Variants in NKAIN2 observed in about 807,000 individuals in gnomAD.
NKAIN2 encodes sodium/potassium-transporting ATPase subunit beta-1-interacting protein 2.
Under a neutral mutation model 32.6 loss-of-function variants are expected in NKAIN2, and 14 were observed. The observed-to-expected ratio is 0.43, with a 90% CI of 0.28 to 0.67. The LOEUF is 0.67. Ranked by LOEUF, NKAIN2 falls within the 30% of genes least tolerant of loss-of-function variation. The pLI is 0.17. For synonymous variants in NKAIN2, 80 were observed against 87.2 expected (o/e 0.92, Z 0.46); for missense variants, 198 against 258.3 (o/e 0.77, Z 1.60).
chr6:124,075,638 C>T (rs1241067509), intron 1 of NKAIN2, among the ~76,000 whole-genome samples: 3 of 152,022 alleles, frequency 2.0e-5, no homozygotes, highest in Non-Finnish European at 2.9e-5. Context: ...ATGTGTTGGC[C>T]AGCCTGGAAT....
Position 123,925,697 on chromosome 6 carries a change from G to C in NKAIN2, c.54+121443G>C, listed in dbSNP as rs73773018. On this transcript the variant is annotated intron_variant, in intron 1 of 6. Coordinates refer to ENST00000368417, the MANE Select transcript of NKAIN2 (RefSeq NM_001040214.3). ...CTCTGACTACATTATTGAGGGTGCA[G>C]GGGACTTTTTGGTGAACTTCATTCT... Among the ~76,000 whole-genome samples, 1,232 of 152,274 alleles carry C rather than the reference G, an allele frequency of 8.1e-3. 19 individuals are homozygous for C. The highest frequency in any genetic ancestry group is 0.028 in the African/African-American group (1,182 of 41,560).
At chr6:124,625,341 G>A (rs186315735) in intron 3 of NKAIN2, among the ~76,000 whole-genome samples, 1 of 152,208 alleles carries the variant, frequency 6.6e-6, no homozygotes, top group East Asian at 1.9e-4. Context: ...CTTAAATAAA[G>A]TGTCTCTCAC....
chr6:124,332,219 G>C (rs188561441), intron 2 of NKAIN2, among the ~76,000 whole-genome samples: 120 of 151,360 alleles, frequency 7.9e-4, no homozygotes, highest in African/African-American at 2.8e-3. Context: ...ATATGTGTGT[G>C]TGTGTATATA....
chr6:124,824,517 A>G lies in NKAIN2; in HGVS notation c.*1288A>G, dbSNP rs983672546. The G allele has an allele frequency of 3.3e-4, 50 of 152,290 alleles. No individual in the cohort carries two copies. Among genetic ancestry groups the G allele is most frequent in the African/African-American group, 1.1e-3 (46 of 41,566 alleles). The allele number at this position is 152,290 out of a possible 1,614,324, so 9.4% of individuals were successfully genotyped here. ...AGTTGGCAACAAGATGCCTTTGGAA[A>G]CTTAATAGTAGGTCAATGTGTTTAT... On this transcript the variant is annotated 3_prime_UTR_variant, in exon 7 of 7. Transcript: ENST00000368417.
At chr6:124,444,354 G>A (rs1775806166) in intron 3 of NKAIN2, among the ~76,000 whole-genome samples, 1 of 151,992 alleles carries the variant, frequency 6.6e-6, no homozygotes, top group South Asian at 2.1e-4. Context: ...CTGAATGAAT[G>A]TATGGCACAC....
chr6:124,066,796 A>G (rs911513260), intron 1 of NKAIN2, among the ~76,000 whole-genome samples: 2 of 152,130 alleles, frequency 1.3e-5, no homozygotes, highest in African/African-American at 4.8e-5. Flanking sequence ...AGTGCAGAGC[A>G]TATTCTAAGG....
At chr6:124,711,898 C>T (rs973665922) in intron 4 of NKAIN2, among the ~76,000 whole-genome samples, 22 of 152,058 alleles carry the variant, frequency 1.4e-4, no homozygotes, top group African/African-American at 3.6e-4. Context: ...AGGCACTCTG[C>T]GTTTTAGAGT....
At chr6:124,679,019 G>T (rs993882034) in intron 4 of NKAIN2, among the ~76,000 whole-genome samples, 11 of 151,814 alleles carry the variant, frequency 7.2e-5, no homozygotes, top group Admixed American at 7.2e-4. Flanking sequence ...AAGTACCAAA[G>T]GTTCTCCGGA....
intron 3 of NKAIN2, among the ~76,000 whole-genome samples, chr6:124,506,943 C>A (rs1778510369): frequency 6.6e-6 from 1 of 152,188 alleles, no homozygotes; most frequent in African/African-American, 2.4e-5. Context: ...GGCCCTGTGG[C>A]AAGCCTCCTG....
At chr6:124,476,300 G>A (rs1221836147) in intron 3 of NKAIN2, among the ~76,000 whole-genome samples, 1 of 151,558 alleles carries the variant, frequency 6.6e-6, no homozygotes, top group East Asian at 1.9e-4. Flanking sequence ...CAAAGTCTGA[G>A]GCATTTGAAT....
chr6:124,012,835 CTAAAT>C (rs1780398299), intron 1 of NKAIN2, among the ~76,000 whole-genome samples: 1 of 152,044 alleles, frequency 6.6e-6, no homozygotes. Context: ...TTTCCTTTCT[CTAAAT>C]TAAAGACCTA....
intron 1 of NKAIN2, among the ~76,000 whole-genome samples, chr6:124,272,161 G>A (rs116055772): frequency 0.043 from 6,597 of 152,308 alleles, 451 homozygotes; most frequent in African/African-American, 0.14. Flanking sequence ...AAGGAGCCAA[G>A]TGTTAATCGC....
intron 3 of NKAIN2, among the ~76,000 whole-genome samples, chr6:124,445,720 T>C (rs2114607867): frequency 6.6e-6 from 1 of 151,836 alleles, no homozygotes; most frequent in African/African-American, 2.4e-5. Context: ...CTGCCAAGTG[T>C]TGGGACATTA....
intron 4 of NKAIN2, among the ~76,000 whole-genome samples, chr6:124,697,474 T>C (rs1335369866): frequency 6.6e-6 from 1 of 152,206 alleles, no homozygotes; most frequent in Non-Finnish European, 1.5e-5. Context: ...TATTTTTTCA[T>C]ATCGCAGTTA....
intron 4 of NKAIN2, among the ~76,000 whole-genome samples, chr6:124,726,447 C>G (rs909860456): frequency 2.6e-5 from 4 of 152,094 alleles, no homozygotes; most frequent in African/African-American, 4.8e-5. Flanking sequence ...AGCAGGGGCA[C>G]ACTGACACCT....
chr6:124,051,598 C>T (rs763631026), intron 1 of NKAIN2, among the ~76,000 whole-genome samples: 8 of 152,026 alleles, frequency 5.3e-5, no homozygotes, highest in Non-Finnish European at 7.4e-5. Context: ...CAACAGGCCC[C>T]GGGGTGTGAT....
At chr6:124,034,786 T>C (rs1205976226) in intron 1 of NKAIN2, among the ~76,000 whole-genome samples, 1 of 152,108 alleles carries the variant, frequency 6.6e-6, no homozygotes, top group African/African-American at 2.4e-5. Context: ...ACACCTGTTA[T>C]GTTTTGACTT....
intron 3 of NKAIN2, among the ~76,000 whole-genome samples, chr6:124,370,704 A>C (rs191011325): frequency 1.2e-3 from 189 of 152,218 alleles, no homozygotes; most frequent in African/African-American, 4.3e-3. Flanking sequence ...TAGGTCCTCA[A>C]ATCTTTTATT....
chr6:124,123,305 A>G (rs1221546388), intron 1 of NKAIN2, among the ~76,000 whole-genome samples: 1 of 152,088 alleles, frequency 6.6e-6, no homozygotes, highest in African/African-American at 2.4e-5. Flanking sequence ...AATCTAGAGC[A>G]TTGGAGGGGA....
Sources: allele counts gnomAD v4.1 joint callset (sites outside exome capture counted in the v4.1 genomes callset), GRCh38; gene constraint gnomAD v4.1.1; transcripts MANE v1.5; gene names NCBI Gene and HGNC (gene_info 2026-07-23, HGNC 2026-07-21).